DUSP19: variants seen among roughly 807,000 people sequenced by gnomAD.
The protein encoded by DUSP19 is dual specificity phosphatase 19.
A neutral mutation model predicts 16.6 loss-of-function variants in DUSP19; 14 were observed. The ratio of observed to expected loss-of-function variants is 0.84; its 90% CI spans 0.56 to 1.32. The LOEUF (loss-of-function observed/expected upper bound fraction) is 1.32, where lower values mean the gene tolerates loss of function less well. Among genes scored for constraint, DUSP19 ranks in the 40% most tolerant of loss-of-function variants. DUSP19 has a pLI of 0.00. For missense variants in DUSP19, 258 were observed against 255.9 expected (o/e 1.01, Z -0.06); for synonymous variants, 81 against 90.5 (o/e 0.90, Z 0.59).
Position 183,078,822 on chromosome 2 carries a change from G to C in DUSP19, c.-112G>C. ...GTGGCTGCTGCGGTTACCTGGATGGGCGAGCACCTCTGAGGCTGGCTTTGT... is the reference window on the plus strand; with the variant it reads ...GTGGCTGCTGCGGTTACCTGGATGGCCGAGCACCTCTGAGGCTGGCTTTGT... On this transcript the variant is annotated 5_prime_UTR_variant, in exon 1 of 4. Coordinates refer to ENST00000354221, the MANE Select transcript of DUSP19 (RefSeq NM_080876.4). 1 of 909,764 alleles carries C rather than the reference G, an allele frequency of 1.1e-6. No homozygotes were observed. The highest frequency in any genetic ancestry group is 1.7e-6 in the Non-Finnish European group (1 of 599,512). The allele number at this position is 909,764 out of a possible 1,614,324, so 56.4% of individuals were successfully genotyped here.
chr2:183,084,693 A>G (rs1442171251), intron 2 of DUSP19, among the ~76,000 whole-genome samples: 1 of 152,230 alleles, frequency 6.6e-6, no homozygotes, highest in African/African-American at 2.4e-5. Context: ...CAGAGATGTA[A>G]CAAGGTCAAA....
intron 2 of DUSP19, among the ~76,000 whole-genome samples, chr2:183,085,237 AG>A (rs1314114948): frequency 2.0e-5 from 3 of 152,198 alleles, no homozygotes; most frequent in African/African-American, 7.2e-5. Flanking sequence ...AAGAGAGAAG[AG>A]GGCCTATGAC....
intron 3 of DUSP19, among the ~76,000 whole-genome samples, chr2:183,092,038 G>T (rs1449856422): frequency 6.6e-6 from 1 of 152,130 alleles, no homozygotes; most frequent in Non-Finnish European, 1.5e-5. Flanking sequence ...CCAGACCTCT[G>T]CAGGATAAGA....
chr2:183,093,548 G>T (rs1410694723), intron 3 of DUSP19, among the ~76,000 whole-genome samples: 1 of 152,084 alleles, frequency 6.6e-6, no homozygotes, highest in East Asian at 1.9e-4. Flanking sequence ...CTGGAAAAGG[G>T]ATATAAAGCC....
chr2:183,099,139 T>C lies in DUSP19; in HGVS notation c.*3481T>C, dbSNP rs1374807367. 6.6e-6 allele frequency: 1 copy of C among 152,160 alleles called. No homozygotes were observed. The highest frequency in any genetic ancestry group is 1.9e-4 in the East Asian group (1 of 5,198). The allele number at this position is 152,160 out of a possible 1,614,324, so 9.4% of individuals were successfully genotyped here. A position where few individuals can be genotyped will look rare whatever the true frequency, so the allele number is the denominator to read the frequency against. ...CATGATTATTTGTAACTCAGATTGT[T>C]CAAATGTATATAGAAGGTCCCCTTC... On this transcript the variant is annotated 3_prime_UTR_variant, in exon 4 of 4. Transcript: ENST00000354221.
chr2:183,095,456 A>T lies in DUSP19; in HGVS notation c.452A>T (p.Asn151Ile), dbSNP rs1459526779. ...GATGGAGTGGTTCTTGTTCATTGTA[A>T]TGCAGGCGTTTCCAGGGCTGCTGCA... ...RKDGVVLVHC[N>I]AGVSRAAAIV... The change falls in exon 4 of 4, where the codon AAT (asparagine) becomes ATT (isoleucine). Residue 151 changes from asparagine to isoleucine, a missense_variant. Physicochemically the swap from Asn to Ile is moderately radical, Grantham distance 149. Coordinates refer to ENST00000354221, the MANE Select transcript of DUSP19 (RefSeq NM_080876.4). 6.2e-7 allele frequency: 1 copy of T among 1,612,838 alleles called. No individual in the cohort carries two copies. The highest frequency in any genetic ancestry group is 2.2e-5 in the East Asian group (1 of 44,830).
intron 1 of DUSP19, among the ~76,000 whole-genome samples, chr2:183,081,346 A>G (rs1699589962): frequency 6.6e-6 from 1 of 152,152 alleles, no homozygotes; most frequent in Non-Finnish European, 1.5e-5. Flanking sequence ...TCCAGGCTCC[A>G]GCGATCGTCC....
chr2:183,089,690 A>G (rs1458120032), intron 3 of DUSP19, among the ~76,000 whole-genome samples: 1 of 152,212 alleles, frequency 6.6e-6, no homozygotes, highest in Admixed American at 6.5e-5. Context: ...TGGCGGCACC[A>G]CAGGAATCTG....
chr2:183,096,552 A>G lies in DUSP19; in HGVS notation c.*894A>G, dbSNP rs1699805388. On this transcript the variant is annotated 3_prime_UTR_variant, in exon 4 of 4. Transcript: ENST00000354221. ...CATCCGACCTCATTTTGTTTTTTTC[A>G]ATTCTGTTATCGGCATTTCTTTCTT... is the stretch of plus-strand genomic sequence containing the variant. 1 of 140,844 alleles carries G rather than the reference A, an allele frequency of 7.1e-6. No homozygotes were observed. Among genetic ancestry groups the G allele is most frequent in the African/African-American group, 2.7e-5 (1 of 37,568 alleles). The allele number at this position is 140,844 out of a possible 1,614,324, so 8.7% of individuals were successfully genotyped here. A position where few individuals can be genotyped will look rare whatever the true frequency, so the allele number is the denominator to read the frequency against.
intron 1 of DUSP19, among the ~76,000 whole-genome samples, chr2:183,079,681 A>G (rs1699567944): frequency 6.6e-6 from 1 of 152,134 alleles, no homozygotes; most frequent in Admixed American, 6.5e-5. Flanking sequence ...AGAGAAGGAG[A>G]TCTTAAGATC....
At chr2:183,084,144 G>A (rs1427746698) in intron 2 of DUSP19, among the ~76,000 whole-genome samples, 1 of 152,120 alleles carries the variant, frequency 6.6e-6, no homozygotes, top group African/African-American at 2.4e-5. Flanking sequence ...TGCTTTGATG[G>A]GGAAGTGCAG....
intron 3 of DUSP19, among the ~76,000 whole-genome samples, chr2:183,091,167 G>GT (rs1416234750): frequency 6.6e-6 from 1 of 152,068 alleles, no homozygotes; most frequent in African/African-American, 2.4e-5. Flanking sequence ...GCTGTTTGTA[G>GT]TTTTTTGTTC....
intron 3 of DUSP19, among the ~76,000 whole-genome samples, chr2:183,089,796 C>T (rs1699709142): frequency 6.6e-6 from 1 of 152,236 alleles, no homozygotes; most frequent in East Asian, 1.9e-4. Context: ...ATCCTAACCT[C>T]AGCCAATATT....
chr2:183,093,177 A>G (rs1030655921), intron 3 of DUSP19, among the ~76,000 whole-genome samples: 35 of 152,218 alleles, frequency 2.3e-4, no homozygotes, highest in African/African-American at 8.2e-4. Context: ...AGACAACTCT[A>G]TGAAATGGAA....
At chr2:183,080,447 A>G (rs1374219148) in intron 1 of DUSP19, among the ~76,000 whole-genome samples, 9 of 152,206 alleles carry the variant, frequency 5.9e-5, no homozygotes, top group African/African-American at 2.2e-4. Flanking sequence ...AAACTGTACC[A>G]TATTCTTGTC....
intron 3 of DUSP19, 128 bp from the exon 4 acceptor site, chr2:183,095,303 T>C (rs542212638): frequency 3.9e-6 from 3 of 777,452 alleles, no homozygotes; most frequent in South Asian, 4.5e-5. Context: ...ATCAAATAAA[T>C]TGAATCAAAT....
Position 183,086,916 on chromosome 2 carries a change from T to C in DUSP19, c.274-124T>C, listed in dbSNP as rs1292188585. 3.7e-6 allele frequency: 3 copies of C among 814,768 alleles called. No individual in the cohort carries two copies. In the South Asian group the frequency reaches 5.3e-5, roughly 15 times the overall value. The allele number at this position is 814,768 out of a possible 1,614,324, so 50.5% of individuals were successfully genotyped here. Reference sequence around the variant, plus strand: ...CTGGTGTGGGATTGAAGCAGTATTATCATTCAAGTGAGTCGCATTTAAATT... The same window carrying C: ...CTGGTGTGGGATTGAAGCAGTATTACCATTCAAGTGAGTCGCATTTAAATT... On this transcript the variant is annotated intron_variant, in intron 2 of 3. Coordinates refer to ENST00000354221, the MANE Select transcript of DUSP19 (RefSeq NM_080876.4).
At chr2:183,080,497 A>G (rs1355538409) in intron 1 of DUSP19, among the ~76,000 whole-genome samples, 1 of 152,208 alleles carries the variant, frequency 6.6e-6, no homozygotes, top group Non-Finnish European at 1.5e-5. Flanking sequence ...GGTAATCTGA[A>G]AAGTTCACCT....
chr2:183,088,341 C>T (rs750492776), intron 3 of DUSP19, among the ~76,000 whole-genome samples: 1 of 150,872 alleles, frequency 6.6e-6, no homozygotes, highest in Non-Finnish European at 1.5e-5. Context: ...AAATGATGCA[C>T]GACTGTATTT....
Sources: allele counts gnomAD v4.1 joint callset (sites outside exome capture counted in the v4.1 genomes callset), GRCh38; gene constraint gnomAD v4.1.1; transcripts MANE v1.5; gene names NCBI Gene and HGNC (gene_info 2026-07-23, HGNC 2026-07-21).